PER3: variants seen among roughly 807,000 people sequenced by gnomAD.
PER3 encodes the protein period circadian protein homolog 3.
Under a neutral mutation model 127.2 loss-of-function variants are expected in PER3, and 107 were observed. That is an observed-to-expected ratio of 0.84 (90% CI 0.72 to 0.99). PER3 has a LOEUF of 0.99. PER3 is among the 50% of genes least tolerant of loss of function. The pLI, the probability that PER3 is intolerant of heterozygous loss-of-function variation, is 0.00. For synonymous variants in PER3, 618 were observed against 585.8 expected, an observed-to-expected ratio of 1.05 and a Z score of -0.79; for missense variants, 1,560 against 1,525.8, an observed-to-expected ratio of 1.02 and a Z score of -0.37.
chr1:7,784,872 C>T lies in PER3; in HGVS notation c.-6C>T. 1 of 1,496,280 alleles carries T rather than the reference C, an allele frequency of 6.7e-7. No homozygotes were observed. The highest frequency in any genetic ancestry group is 8.8e-7 in the Non-Finnish European group (1 of 1,134,436). The allele number at this position is 1,496,280 out of a possible 1,614,324, so 92.7% of individuals were successfully genotyped here. ...GCACGACGTGGAGCCCCGCGGAGACCTCGAGATGCCCCGCGGGGAAGCTCC... is the reference window on the plus strand; with the variant it reads ...GCACGACGTGGAGCCCCGCGGAGACTTCGAGATGCCCCGCGGGGAAGCTCC... On this transcript the variant is annotated 5_prime_UTR_variant, in exon 2 of 22. Coordinates refer to ENST00000377532, the MANE Select transcript of PER3 (RefSeq NM_001377275.1).
Position 7,827,636 on chromosome 1 carries a change from C to G in PER3, c.2707C>G (p.Pro903Ala), listed in dbSNP as rs368404698. The G allele has an allele frequency of 1.9e-6, 3 of 1,614,222 alleles. No individual in the cohort carries two copies. Among genetic ancestry groups the G allele is most frequent in the Non-Finnish European group, 2.5e-6 (3 of 1,180,046 alleles). ...AATGAGTCCAACTCTGGACCCACCCCCTTCAGTCACCAGCCAAAGGAGAGA... is the reference window on the plus strand; with the variant it reads ...AATGAGTCCAACTCTGGACCCACCCGCTTCAGTCACCAGCCAAAGGAGAGA... ...SAMSPTLDPPPSVTSQRREEE... is the reference protein window; with the variant it reads ...SAMSPTLDPPASVTSQRREEE... The change falls in exon 18 of 22, where the codon CCT (proline) becomes GCT (alanine). Residue 903 changes from proline (P) to alanine (A), a missense_variant. Physicochemically the swap from Pro to Ala is conservative, Grantham distance 27. Coordinates refer to ENST00000377532, the MANE Select transcript of PER3 (RefSeq NM_001377275.1).
chr1:7,803,282 T>C, intron 9 of PER3, 129 bp downstream of exon 9: 1 of 701,574 alleles, frequency 1.4e-6, no homozygotes, highest in Non-Finnish European at 2.6e-6. Context: ...AAAGCAATTG[T>C]TTTCTATTTA....
chr1:7,835,003 G>T (rs1480680190), intron 19 of PER3, among the ~76,000 whole-genome samples: 1 of 152,080 alleles, frequency 6.6e-6, no homozygotes, highest in African/African-American at 2.4e-5. Context: ...GGTGAGGAGG[G>T]GGTACATATA....
intron 6 of PER3, 32 bp downstream of exon 6, chr1:7,794,040 A>G (rs745505247): frequency 1.5e-5 from 24 of 1,567,676 alleles, no homozygotes; most frequent in Admixed American, 1.0e-4. Flanking sequence ...AGCCAGCAAC[A>G]GTGGATTATG....
chr1:7,806,807 AAAAAAATATATATAT>A (rs1263119820), intron 10 of PER3, among the ~76,000 whole-genome samples: 1 of 84,220 alleles, frequency 1.2e-5, no homozygotes, highest in South Asian at 4.3e-4. Context: ...AAAAAAAAAA[AAAAAAATATATATAT>A]ATATATATAT....
Position 7,829,810 on chromosome 1 carries a change from T to G in PER3, c.2887-24T>G, listed in dbSNP as rs373076846. 11 of 1,581,894 alleles carry G rather than the reference T, an allele frequency of 7.0e-6. No individual in the cohort carries two copies. In the African/African-American group the frequency reaches 1.5e-4, roughly 21 times the overall value. ...TTTGTGATAAGAAGATTAAAGTGTC[T>G]TTTCATGTGCCCTTACTTTCTAGCA... On this transcript the variant is annotated intron_variant, in intron 18 of 21. Transcript: ENST00000377532.
At chr1:7,841,426 C>G (rs1018740006) in intron 21 of PER3, among the ~76,000 whole-genome samples, 2 of 152,064 alleles carry the variant, frequency 1.3e-5, no homozygotes, top group African/African-American at 4.8e-5. Context: ...ATTGCCCACT[C>G]TGACTCCCAC....
intron 16 of PER3, among the ~76,000 whole-genome samples, chr1:7,825,357 T>TA (rs1315420422): frequency 2.6e-5 from 4 of 152,144 alleles, no homozygotes; most frequent in Non-Finnish European, 5.9e-5. Context: ...CAATAATAGA[T>TA]AAAAAAGAGG....
chr1:7,801,227 C>T, intron 8 of PER3, 36 bp downstream of exon 8: 3 of 1,150,550 alleles, frequency 2.6e-6, no homozygotes. Context: ...AAATTTGTTT[C>T]TGAAAATAAA....
Position 7,803,110 on chromosome 1 carries a change from G to A in PER3, c.936G>A (p.Leu312=). 1.2e-6 allele frequency: 2 copies of A among 1,613,408 alleles called. No individual in the cohort carries two copies. ...DLIGTSILSY[L]HPEDRSLMVA... ...TTGGAACATCGATCCTAAGCTACCT[G>A]CACCCTGAAGATCGTTCTCTGATGG... The change falls in exon 9 of 22, where the codon CTG becomes CTA. Residue 312 remains leucine (L), a synonymous_variant. Coordinates refer to ENST00000377532, the MANE Select transcript of PER3 (RefSeq NM_001377275.1).
intron 5 of PER3, among the ~76,000 whole-genome samples, chr1:7,788,845 A>C (rs1046084572): frequency 1.3e-5 from 2 of 151,832 alleles, no homozygotes; most frequent in Admixed American, 1.3e-4. Context: ...CAGAGGTTGC[A>C]GTGAGCCAAG....
chr1:7,831,099 C>T (rs1031525703), intron 19 of PER3, among the ~76,000 whole-genome samples: 3 of 152,182 alleles, frequency 2.0e-5, no homozygotes, highest in Non-Finnish European at 2.9e-5. Flanking sequence ...TTTTGATCCA[C>T]AAGTACGATT....
chr1:7,822,250 A>T (rs202037993), intron 16 of PER3, among the ~76,000 whole-genome samples: 167 of 121,016 alleles, frequency 1.4e-3, no homozygotes, highest in African/African-American at 2.5e-3. Flanking sequence ...CAAAAAATTT[A>T]AAAAAAAATT....
At position 7,812,764 on chromosome 1, in the gene PER3, T is replaced by C. The variant is rs116569029; in HGVS notation, c.1522+2176T>C. On this transcript the variant is annotated intron_variant, in intron 13 of 21. Coordinates refer to ENST00000377532, the MANE Select transcript of PER3 (RefSeq NM_001377275.1). ...TAATAGCACACACAGGATGTGACTTTGGAGAAGAAGGAAGATCTCTTGCCA... is the reference window on the plus strand; with the variant it reads ...TAATAGCACACACAGGATGTGACTTCGGAGAAGAAGGAAGATCTCTTGCCA... 2.6e-3 allele frequency among the ~76,000 whole-genome samples: 396 copies of C among 152,296 alleles called. 2 individuals carry two copies. Among genetic ancestry groups the C allele is most frequent in the African/African-American group, 9.1e-3 (380 of 41,548 alleles).
intron 6 of PER3, among the ~76,000 whole-genome samples, chr1:7,797,109 AG>A (rs1408910196): frequency 2.0e-5 from 3 of 152,198 alleles, no homozygotes; most frequent in Non-Finnish European, 4.4e-5. Context: ...TTGGGTCATC[AG>A]CGTGTAAATG....
intron 16 of PER3, among the ~76,000 whole-genome samples, chr1:7,824,321 A>G (rs1275659177): frequency 6.6e-6 from 1 of 152,242 alleles, no homozygotes; most frequent in Non-Finnish European, 1.5e-5. Flanking sequence ...AATTAAAGCT[A>G]AAAGTTGGTT....
chr1:7,800,258 G>A (rs963817497), intron 7 of PER3, among the ~76,000 whole-genome samples: 19 of 150,540 alleles, frequency 1.3e-4, no homozygotes, highest in Admixed American at 6.6e-5. Context: ...CCAGGCTGGA[G>A]TGCAGTGGGC....
rs1432376043 is a variant in PER3, at chr1:7,785,551, T to G, written c.239T>G (p.Leu80Arg). 6.2e-7 allele frequency: 1 copy of G among 1,613,774 alleles called. No homozygotes were observed. The highest frequency in any genetic ancestry group is 2.2e-5 in the East Asian group (1 of 44,884). ...RRNKPSTLDA[L>R]NYALRCVHSV... The stretch of plus-strand genomic sequence containing the variant: ...AATAAACCAAGCACTCTAGATGCCC[T>G]CAACTATGCTCTCCGCTGTGTCCAC... The change falls in exon 3 of 22, where the codon CTC (leucine) becomes CGC (arginine). Residue 80 changes from leucine to arginine, a missense_variant. By Grantham distance (102) the Leu-to-Arg change is moderately radical. Coordinates refer to ENST00000377532, the MANE Select transcript of PER3 (RefSeq NM_001377275.1).
intron 5 of PER3, among the ~76,000 whole-genome samples, chr1:7,792,686 A>G (rs1379281570): frequency 6.6e-6 from 1 of 152,202 alleles, no homozygotes; most frequent in Non-Finnish European, 1.5e-5. Context: ...GAAGCAATCC[A>G]CTCAGCTGTT....
Sources: gnomAD v4.1 joint callset for allele counts (sites outside exome capture counted in the v4.1 genomes callset) on GRCh38, gnomAD v4.1.1 for gene constraint, MANE v1.5 for transcripts, NCBI Gene and HGNC (gene_info 2026-07-23, HGNC 2026-07-21) for gene names.